MYO9B: variants seen among roughly 807,000 people sequenced by gnomAD.
MYO9B encodes unconventional myosin-IXb.
A neutral mutation model predicts 229.5 loss-of-function variants in MYO9B; 71 were observed. The observed-to-expected ratio is 0.31, with a 90% confidence interval of 0.26 to 0.38. The LOEUF is 0.38. Ranked by LOEUF, MYO9B falls within the 10% of genes least tolerant of loss-of-function variation. The probability of loss-of-function intolerance (pLI) is 1.00; values close to 1 mark genes in which losing one functional copy is unlikely to be tolerated. For synonymous variants in MYO9B, 1,185 were observed against 1,235.8 expected (o/e 0.96, Z 0.86); for missense variants, 2,255 against 2,920.5 (o/e 0.77, Z 5.25).
At chr19:17,171,706 G>A (rs766311430) in intron 11 of MYO9B, among the ~76,000 whole-genome samples, 9 of 152,172 alleles carry the variant, frequency 5.9e-5, no homozygotes, top group Admixed American at 2.0e-4. Flanking sequence ...AATCCTAGTC[G>A]TTTGGGAGGC....
At chr19:17,146,801 G>C (rs1469547140) in intron 3 of MYO9B, among the ~76,000 whole-genome samples, 3 of 152,168 alleles carry the variant, frequency 2.0e-5, no homozygotes, top group Non-Finnish European at 2.9e-5. Flanking sequence ...AGGGTCCAAG[G>C]CCTGGATACT....
chr19:17,112,789 A>C (rs1016862780), intron 2 of MYO9B, among the ~76,000 whole-genome samples: 1 of 152,222 alleles, frequency 6.6e-6, no homozygotes, highest in Non-Finnish European at 1.5e-5. Context: ...CCAGTCAGAG[A>C]GGGGTCAGGG....
At position 17,205,247 on chromosome 19, in the gene MYO9B, C is replaced by T; in HGVS notation, c.4991-16C>T. On this transcript the variant is annotated splice_polypyrimidine_tract_variant and intron_variant, in intron 30 of 39. Coordinates refer to ENST00000682292, the MANE Select transcript of MYO9B (RefSeq NM_004145.4). ...CCCCAGCACCCTCTGTGACTCCCAC[C>T]CTGTGGACCTCCTAGTGTGCAAGAT... The T allele has an allele frequency of 6.2e-7, 1 of 1,612,776 alleles. No individual in the cohort carries two copies. Among genetic ancestry groups the T allele is most frequent in the Non-Finnish European group, 8.5e-7 (1 of 1,179,148 alleles).
intron 1 of MYO9B, among the ~76,000 whole-genome samples, chr19:17,098,255 A>C (rs1408026748): frequency 6.6e-6 from 1 of 152,080 alleles, no homozygotes; most frequent in Non-Finnish European, 1.5e-5. Flanking sequence ...GGGTTTCACC[A>C]TGTTGGTCAG....
At chr19:17,135,972 C>G (rs2072264386) in intron 2 of MYO9B, among the ~76,000 whole-genome samples, 1 of 152,094 alleles carries the variant, frequency 6.6e-6, no homozygotes, top group African/African-American at 2.4e-5. Flanking sequence ...CAGAGAGAGA[C>G]CCGTTTCCTG....
At chr19:17,141,966 C>T (rs553627630) in intron 2 of MYO9B, among the ~76,000 whole-genome samples, 3 of 152,168 alleles carry the variant, frequency 2.0e-5, no homozygotes, top group African/African-American at 4.8e-5. Context: ...CGCTTGAGGC[C>T]GGGAGTTCAA....
chr19:17,199,895 C>G (rs1160455808), intron 24 of MYO9B, among the ~76,000 whole-genome samples: 2 of 149,210 alleles, frequency 1.3e-5, no homozygotes, highest in African/African-American at 4.9e-5. Flanking sequence ...GACAGAGTCT[C>G]ACTCTGTCAC....
intron 8 of MYO9B, among the ~76,000 whole-genome samples, chr19:17,160,263 C>A (rs770442008): frequency 6.6e-6 from 1 of 152,114 alleles, no homozygotes; most frequent in Non-Finnish European, 1.5e-5. Flanking sequence ...CGTGATATTG[C>A]TGCATATCAC....
chr19:17,168,159 TC>T (rs2145340565), intron 11 of MYO9B, 95 bp downstream of exon 11: 1 of 1,480,612 alleles, frequency 6.8e-7, no homozygotes, highest in East Asian at 2.5e-5. Context: ...ATCCAGACTT[TC>T]CCAAGAGCGC....
chr19:17,142,149 A>G (rs763553140), intron 2 of MYO9B, among the ~76,000 whole-genome samples: 7 of 148,590 alleles, frequency 4.7e-5, no homozygotes, highest in Non-Finnish European at 8.9e-5. Flanking sequence ...ACTGGGCGAC[A>G]GCAAGACCCT....
chr19:17,134,475 T>C (rs2072245029), intron 2 of MYO9B, among the ~76,000 whole-genome samples: 1 of 131,530 alleles, frequency 7.6e-6, no homozygotes, highest in African/African-American at 2.8e-5. Context: ...CAGTGCAACC[T>C]CTGCCTCTCG....
intron 9 of MYO9B, 84 bp from the exon 10 acceptor site, chr19:17,162,904 G>C: frequency 6.8e-7 from 1 of 1,467,128 alleles, no homozygotes; most frequent in Non-Finnish European, 9.2e-7. Context: ...ACAGGTCACA[G>C]CCTGTAGAGC....
chr19:17,210,771 G>T lies in MYO9B; in HGVS notation c.5853G>T (p.Glu1951Asp). The T allele has an allele frequency of 6.3e-7, 1 of 1,576,762 alleles. No homozygotes were observed. The highest frequency in any genetic ancestry group is 8.6e-7 in the Non-Finnish European group (1 of 1,161,844). The change falls in exon 38 of 40, where the codon GAG becomes GAT. Residue 1951 changes from glutamate to aspartate, a missense_variant. By Grantham distance (45) the Glu-to-Asp change is conservative. Around this residue, in one of 7 missense-constraint regions of MYO9B, gnomAD observed 331 missense variants for 332.5 expected, o/e 1.00. Coordinates refer to ENST00000682292, the MANE Select transcript of MYO9B (RefSeq NM_004145.4). ...AGGAGGAGCTGGAGGTGCTGCTGGA[G>T]GAGGAGGCAGCCGGCGGCGATGAGG... ...IQEEELEVLL[E>D]EEAAGGDEDR... is the part of the protein sequence containing the mutation.
chr19:17,175,773 A>ATCAT, intron 14 of MYO9B, 32 bp downstream of exon 14: 1 of 1,492,406 alleles, frequency 6.7e-7, no homozygotes. Context: ...CCAAACTGAA[A>ATCAT]TCATTAGGTG....
At chr19:17,197,427 G>GATAC (rs1555704394) in intron 22 of MYO9B, among the ~76,000 whole-genome samples, 149 of 141,040 alleles carry the variant, frequency 1.1e-3, no homozygotes, top group Middle Eastern at 3.7e-3. Context: ...TAGATAGATA[G>GATAC]ATAGATAGAT....
chr19:17,187,067 T>C (rs1261215418), intron 18 of MYO9B, among the ~76,000 whole-genome samples: 1 of 152,160 alleles, frequency 6.6e-6, no homozygotes, highest in East Asian at 1.9e-4. Context: ...TATCCCTTAC[T>C]GCCCACCAGA....
At position 17,194,771 on chromosome 19, in the gene MYO9B, C is replaced by T. The variant is rs770445256; in HGVS notation, c.3344C>T (p.Ser1115Leu). The T allele has an allele frequency of 2.5e-5, 41 of 1,613,208 alleles. No individual in the cohort carries two copies. The highest frequency in any genetic ancestry group is 3.1e-5 in the Non-Finnish European group (37 of 1,179,896). ...GACAGGTCCCCCCTAGAGCACTCCT[C>T]ACCTGAGAAGGAGGCCCCAAGCCCA... is the stretch of plus-strand genomic sequence containing the variant. Reference protein sequence around the residue: ...PSDRSPLEHSSPEKEAPSPEK... With the variant: ...PSDRSPLEHSLPEKEAPSPEK... Residue 1115 changes from serine to leucine, a missense_variant, in exon 22 of 40, where the codon TCA becomes TTA. Coordinates refer to ENST00000682292, the MANE Select transcript of MYO9B (RefSeq NM_004145.4).
intron 1 of MYO9B, among the ~76,000 whole-genome samples, chr19:17,076,812 C>T (rs953169199): frequency 4.6e-5 from 7 of 152,300 alleles, no homozygotes; most frequent in African/African-American, 1.2e-4. Flanking sequence ...TGTGCATGCA[C>T]CCTCATGTAC....
chr19:17,108,564 T>C (rs1440124821), intron 2 of MYO9B, among the ~76,000 whole-genome samples: 1 of 151,312 alleles, frequency 6.6e-6, no homozygotes, highest in East Asian at 1.9e-4. Flanking sequence ...CAAAATAGCT[T>C]CCCGTTGTCC....
Sources: gnomAD v4.1 joint callset for allele counts (sites outside exome capture counted in the v4.1 genomes callset) on GRCh38, gnomAD v4.1.1 for gene constraint, gnomAD v4.1.1 regional missense constraint, MANE v1.5 for transcripts, NCBI Gene and HGNC (gene_info 2026-07-23, HGNC 2026-07-21) for gene names.